Variants in SDCCAG8 observed in about 807,000 individuals in gnomAD.
SDCCAG8 encodes the protein serologically defined colon cancer antigen 8.
SDCCAG8 carries 74 observed loss-of-function variants against 101.8 expected under a neutral mutation model. That is an observed-to-expected ratio of 0.73 (90% CI 0.60 to 0.88). The LOEUF (loss-of-function observed/expected upper bound fraction) is 0.88, where lower values mean the gene tolerates loss of function less well. Among genes scored for constraint, SDCCAG8 ranks in the 40% least tolerant of loss-of-function variants. The pLI, the probability that SDCCAG8 is intolerant of heterozygous loss-of-function variation, is 0.00. For missense variants in SDCCAG8, 787 were observed against 822.6 expected, an observed-to-expected ratio of 0.96 and a Z score of 0.53; for synonymous variants, 281 against 292.9, an observed-to-expected ratio of 0.96 and a Z score of 0.41.
At chr1:243,332,652 C>T (rs2074695369) in intron 10 of SDCCAG8, among the ~76,000 whole-genome samples, 1 of 151,378 alleles carries the variant, frequency 6.6e-6, no homozygotes, top group Non-Finnish European at 1.5e-5. Context: ...AGGTGATTAT[C>T]GCGGTCCCGG....
chr1:243,492,693 T>C (rs1373586190), intron 17 of SDCCAG8, among the ~76,000 whole-genome samples: 7 of 142,700 alleles, frequency 4.9e-5, no homozygotes, highest in African/African-American at 7.9e-5. Flanking sequence ...CTGCAACCTC[T>C]GCCTCCTGGG....
intron 16 of SDCCAG8, among the ~76,000 whole-genome samples, chr1:243,451,843 C>T (rs947124848): frequency 6.6e-6 from 1 of 152,152 alleles, no homozygotes; most frequent in Non-Finnish European, 1.5e-5. Context: ...GTGGGAGGAT[C>T]GTTTGAGCCC....
At chr1:243,340,322 A>C (rs1283061433) in intron 10 of SDCCAG8, among the ~76,000 whole-genome samples, 2 of 152,184 alleles carry the variant, frequency 1.3e-5, no homozygotes, top group Non-Finnish European at 2.9e-5. Flanking sequence ...TGTGGGAAAC[A>C]GTGAGAGTGG....
chr1:243,347,464 T>TA (rs2075786419), intron 12 of SDCCAG8, among the ~76,000 whole-genome samples: 1 of 152,234 alleles, frequency 6.6e-6, no homozygotes. Context: ...TTACCCTTTT[T>TA]AATAGGAAAT....
At chr1:243,262,491 A>C (rs1469828332) in intron 1 of SDCCAG8, among the ~76,000 whole-genome samples, 1 of 152,116 alleles carries the variant, frequency 6.6e-6, no homozygotes, top group Non-Finnish European at 1.5e-5. Context: ...TTTCTTTCCT[A>C]CTACTGATGA....
At chr1:243,361,919 C>G (rs1289624544) in intron 12 of SDCCAG8, among the ~76,000 whole-genome samples, 1 of 152,220 alleles carries the variant, frequency 6.6e-6, no homozygotes, top group African/African-American at 2.4e-5. Context: ...GAGACTTTTA[C>G]TTGTCTTATT....
chr1:243,478,712 A>C (rs1386683501), intron 16 of SDCCAG8, among the ~76,000 whole-genome samples: 1 of 152,124 alleles, frequency 6.6e-6, no homozygotes, highest in African/African-American at 2.4e-5. Flanking sequence ...TAATCCCAGC[A>C]CTTTGGGAAG....
rs748157088 is a variant in SDCCAG8, at chr1:243,489,052, A to G, written c.2024A>G (p.Gln675Arg). The G allele has an allele frequency of 1.2e-6, 2 of 1,613,462 alleles. No homozygotes were observed. Among genetic ancestry groups the G allele is most frequent in the Non-Finnish European group, 1.7e-6 (2 of 1,180,028 alleles). Residue 675 changes from glutamine to arginine, a missense_variant, in exon 17 of 18, where the codon CAG becomes CGG. By Grantham distance (43) the Gln-to-Arg change is conservative. Coordinates refer to ENST00000366541, the MANE Select transcript of SDCCAG8 (RefSeq NM_006642.5). ...GATAAGCACAGCCAGGCCACAGCCC[A>G]GCAGCTGGTGCAGCTCCTCAGCAAG... ...QLDKHSQATA[Q>R]QLVQLLSKQN...
chr1:243,318,877 T>G (rs1003556708), intron 9 of SDCCAG8, among the ~76,000 whole-genome samples: 1 of 152,228 alleles, frequency 6.6e-6, no homozygotes, highest in Non-Finnish European at 1.5e-5. Flanking sequence ...TCTTTGAAAT[T>G]AAGCTACCGC....
chr1:243,337,879 T>G lies in SDCCAG8; in HGVS notation c.1222-3160T>G, dbSNP rs532597393. Among the ~76,000 whole-genome samples the G allele has an allele frequency of 1.9e-4, 22 of 116,414 alleles. No individual in the cohort carries two copies. In the Middle Eastern group the frequency reaches 0.014, roughly 73 times the overall value. The allele number at this position is 116,414 out of a possible 152,430, so 76.4% of individuals were successfully genotyped here. A position where few individuals can be genotyped will look rare whatever the true frequency, so the allele number is the denominator to read the frequency against. On this transcript the variant is annotated intron_variant, in intron 10 of 17. Transcript: ENST00000366541. ...AAGTTACTTAGTTTTCTGAATCTCA[T>G]TTTTTCAAATGAAAATTAATTCCAT...
At chr1:243,441,868 A>G (rs1051276237) in intron 16 of SDCCAG8, among the ~76,000 whole-genome samples, 3 of 152,200 alleles carry the variant, frequency 2.0e-5, no homozygotes, top group Non-Finnish European at 4.4e-5. Flanking sequence ...ATTCTTTAAC[A>G]TCATAGAAAT....
intron 13 of SDCCAG8, among the ~76,000 whole-genome samples, chr1:243,390,220 T>G (rs1262861470): frequency 6.6e-6 from 1 of 152,258 alleles, no homozygotes; most frequent in East Asian, 1.9e-4. Context: ...GCTCATTTTT[T>G]TCTTGTACTC....
chr1:243,389,041 A>G (rs1462852016), intron 13 of SDCCAG8, among the ~76,000 whole-genome samples: 3 of 149,270 alleles, frequency 2.0e-5, no homozygotes, highest in African/African-American at 7.5e-5. Context: ...GCGTGCCTGT[A>G]GTCCTGGCTA....
At position 243,426,508 on chromosome 1, in the gene SDCCAG8, G is replaced by C. The variant is rs185944691; in HGVS notation, c.1935G>C (p.Leu645Phe). The change falls in exon 16 of 18, where the codon TTG (leucine) becomes TTC (phenylalanine). Residue 645 changes from leucine to phenylalanine, a missense_variant. Physicochemically the swap from Leu to Phe is conservative, Grantham distance 22. Coordinates refer to ENST00000366541, the MANE Select transcript of SDCCAG8 (RefSeq NM_006642.5). Reference sequence around the variant, plus strand: ...AGTTACAGAGAAGAAATGAAGAATTGGAGGAACAGTGTGTCCAGCATGGGA... The same window carrying C: ...AGTTACAGAGAAGAAATGAAGAATTCGAGGAACAGTGTGTCCAGCATGGGA... Reference protein sequence around the residue: ...LGKLQRRNEELEEQCVQHGRV... With the variant: ...LGKLQRRNEEFEEQCVQHGRV... The C allele has an allele frequency of 6.2e-7, 1 of 1,613,952 alleles. No homozygotes were observed. Among genetic ancestry groups the C allele is most frequent in the South Asian group, 1.1e-5 (1 of 91,078 alleles).
At chr1:243,283,822 C>G (rs1305366487) in intron 4 of SDCCAG8, among the ~76,000 whole-genome samples, 6 of 152,166 alleles carry the variant, frequency 3.9e-5, no homozygotes, top group African/African-American at 1.4e-4. Flanking sequence ...CTCACTGCAA[C>G]CTCTGCCTCC....
intron 4 of SDCCAG8, among the ~76,000 whole-genome samples, chr1:243,275,889 G>A (rs1272599916): frequency 1.7e-5 from 2 of 117,854 alleles, no homozygotes; most frequent in Non-Finnish European, 3.3e-5. Context: ...TTTTTTGATG[G>A]AGTCTCGCAT....
intron 10 of SDCCAG8, among the ~76,000 whole-genome samples, chr1:243,332,681 A>AGTTCAGGTCTGGAGGTGATTTTCGCG (rs2074701453): frequency 6.7e-6 from 1 of 149,708 alleles, no homozygotes; most frequent in African/African-American, 2.5e-5. Context: ...TGATTATCGC[A>AGTTCAGGTCTGGAGGTGATTTTCGCG]GTCCAGGTCT....
intron 16 of SDCCAG8, among the ~76,000 whole-genome samples, chr1:243,450,897 G>A (rs2083304899): frequency 6.6e-6 from 1 of 152,302 alleles, no homozygotes; most frequent in East Asian, 1.9e-4. Context: ...GACCTCAGGT[G>A]ATCCTTCCGC....
At chr1:243,313,785 C>T (rs2072983326) in intron 8 of SDCCAG8, among the ~76,000 whole-genome samples, 2 of 152,282 alleles carry the variant, frequency 1.3e-5, no homozygotes, top group African/African-American at 4.8e-5. Context: ...TGGGCTGGAC[C>T]TGTGGATTGC....
Sources: allele counts gnomAD v4.1 joint callset (sites outside exome capture counted in the v4.1 genomes callset), GRCh38; gene constraint gnomAD v4.1.1; transcripts MANE v1.5; gene names NCBI Gene and HGNC (gene_info 2026-07-23, HGNC 2026-07-21).